The following MGST1 variants were observed in gnomAD, a reference collection of about 807,000 sequenced individuals.
The protein encoded by MGST1 is glutathione S-transferase 12.
A neutral mutation model predicts 8.9 loss-of-function variants in MGST1; 5 were observed. The ratio of observed to expected loss-of-function variants is 0.56; its 90% CI spans 0.29 to 1.19. The LOEUF (loss-of-function observed/expected upper bound fraction) is 1.19. Among genes scored for constraint, MGST1 ranks in the 50% most tolerant of loss-of-function variants. MGST1 has a pLI of 0.08. For missense variants in MGST1, 182 were observed against 187.4 expected, an observed-to-expected ratio of 0.97 and a Z score of 0.17; for synonymous variants, 54 against 67.8, an observed-to-expected ratio of 0.80 and a Z score of 1.00.
Position 16,413,037 on chromosome 12 carries a change from A to C in MGST1, n.779-24351A>C, listed in dbSNP as rs931237017. Reference sequence around the variant, plus strand: ...CCAGAAAGAGAGTAGGGAACTCCTCAGTCCACCCCACCTGTCCTGGATGGT... The same window carrying C: ...CCAGAAAGAGAGTAGGGAACTCCTCCGTCCACCCCACCTGTCCTGGATGGT... On this transcript the variant is annotated intron_variant and non_coding_transcript_variant, in intron 1 of 1. Coordinates refer to the MGST1 transcript ENST00000359720. This position sits in a 1 kb window ranked among gnomAD's most constrained non-coding sequence, Gnocchi z 4.0. Among the ~76,000 whole-genome samples the C allele has an allele frequency of 6.6e-6, 1 of 152,190 alleles. No homozygotes were observed. The highest frequency in any genetic ancestry group is 2.4e-5 in the African/African-American group (1 of 41,456).
intron 4 of MGST1, among the ~76,000 whole-genome samples, chr12:16,570,799 C>T (rs1275808224): frequency 6.6e-6 from 1 of 152,126 alleles, no homozygotes; most frequent in Non-Finnish European, 1.5e-5. Context: ...AAAAAGTTAT[C>T]AAATCACTTA....
chr12:16,477,953 A>G (rs935916099), intron 4 of MGST1, among the ~76,000 whole-genome samples: 1 of 152,218 alleles, frequency 6.6e-6, no homozygotes, highest in African/African-American at 2.4e-5. Context: ...TCAAAATTGC[A>G]TATTAAACAT....
downstream of MGST1, among the ~76,000 whole-genome samples, chr12:16,380,772 G>C (rs1275518055): frequency 6.6e-6 from 1 of 152,132 alleles, no homozygotes; most frequent in Non-Finnish European, 1.5e-5. Context: ...TATTGTGTGG[G>C]AGTCTAAGTC....
At position 16,413,037 on chromosome 12, in the gene MGST1, A is replaced by G. The variant is rs931237017; in HGVS notation, n.779-24351A>G. Among the ~76,000 whole-genome samples, 1 of 152,190 alleles carries G rather than the reference A, an allele frequency of 6.6e-6. No individual in the cohort carries two copies. Among genetic ancestry groups the G allele is most frequent in the Non-Finnish European group, 1.5e-5 (1 of 68,040 alleles). Reference sequence around the variant, plus strand: ...CCAGAAAGAGAGTAGGGAACTCCTCAGTCCACCCCACCTGTCCTGGATGGT... The same window carrying G: ...CCAGAAAGAGAGTAGGGAACTCCTCGGTCCACCCCACCTGTCCTGGATGGT... On this transcript the variant is annotated intron_variant and non_coding_transcript_variant, in intron 1 of 1. Coordinates refer to the MGST1 transcript ENST00000359720. This position sits in a 1 kb window ranked among gnomAD's most constrained non-coding sequence, Gnocchi z 4.0.
At chr12:16,432,038 A>G (rs1272226676) in intron 1 of MGST1, among the ~76,000 whole-genome samples, 3 of 152,152 alleles carry the variant, frequency 2.0e-5, no homozygotes, top group Non-Finnish European at 2.9e-5. Context: ...GTCCTTTTCA[A>G]TACTACTACT....
chr12:16,538,508 A>G (rs1251209045), intron 4 of MGST1, among the ~76,000 whole-genome samples: 1 of 152,158 alleles, frequency 6.6e-6, no homozygotes, highest in African/African-American at 2.4e-5. Flanking sequence ...CTGCTGATAA[A>G]CACATACCTG....
At chr12:16,571,041 A>C (rs1273718843) in intron 4 of MGST1, among the ~76,000 whole-genome samples, 1 of 152,132 alleles carries the variant, frequency 6.6e-6, no homozygotes, top group Non-Finnish European at 1.5e-5. Flanking sequence ...AATAATAATA[A>C]ATTTTAAAAA....
Position 16,494,798 on chromosome 12 carries a change from C to T in MGST1, n.483-94730C>T, listed in dbSNP as rs565510965. On this transcript the variant is annotated intron_variant and non_coding_transcript_variant, in intron 4 of 4. Coordinates refer to the MGST1 transcript ENST00000538857. ...AAACTATTTCTGAAATTAGGGTAAA[C>T]GTGAAAATCATCATCAAAACAGAAA... Among the ~76,000 whole-genome samples the T allele has an allele frequency of 1.1e-4, 16 of 152,194 alleles. No individual in the cohort carries two copies. The East Asian group carries it at 1.3e-3, about 13-fold the overall frequency.
intron 4 of MGST1, among the ~76,000 whole-genome samples, chr12:16,473,910 A>C (rs1052846285): frequency 6.6e-6 from 1 of 152,182 alleles, no homozygotes; most frequent in African/African-American, 2.4e-5. Context: ...AAATTTAAAA[A>C]AGTCTAATCA....
At chr12:16,524,489 C>T (rs1267752728) in intron 4 of MGST1, among the ~76,000 whole-genome samples, 1 of 152,026 alleles carries the variant, frequency 6.6e-6, no homozygotes, top group Admixed American at 6.6e-5. Context: ...GCAACCATAT[C>T]CACCAATTAT....
intron 1 of MGST1, among the ~76,000 whole-genome samples, chr12:16,406,631 G>T (rs1345250573): frequency 6.6e-6 from 1 of 152,104 alleles, no homozygotes; most frequent in Non-Finnish European, 1.5e-5. Context: ...AAAAGCTGGA[G>T]GCATCATACT....
At chr12:16,405,800 AAAGAC>A (rs1940694155) in intron 1 of MGST1, among the ~76,000 whole-genome samples, 2 of 152,208 alleles carry the variant, frequency 1.3e-5, no homozygotes, top group South Asian at 4.1e-4. Flanking sequence ...AAACAAAACT[AAAGAC>A]AAAAACAGTA....
At chr12:16,391,580 T>G (rs2137052663) in intron 1 of MGST1, among the ~76,000 whole-genome samples, 1 of 152,316 alleles carries the variant, frequency 6.6e-6, no homozygotes, top group African/African-American at 2.4e-5. Flanking sequence ...CTTTGCCCAC[T>G]TCTTAATGGG....
At chr12:16,357,961 G>A (rs1010337368) in intron 3 of MGST1, among the ~76,000 whole-genome samples, 1 of 152,180 alleles carries the variant, frequency 6.6e-6, no homozygotes, top group Non-Finnish European at 1.5e-5. Flanking sequence ...AAAAGTAATG[G>A]CAGGGAGGAG....
chr12:16,386,887 C>T (rs894423954), intron 1 of MGST1, among the ~76,000 whole-genome samples: 4 of 152,174 alleles, frequency 2.6e-5, no homozygotes, highest in Admixed American at 2.0e-4. Context: ...TTTTATCAAG[C>T]GTCTCTGCAC....
chr12:16,483,589 A>C (rs931884911), intron 4 of MGST1, among the ~76,000 whole-genome samples: 1 of 152,174 alleles, frequency 6.6e-6, no homozygotes, highest in Non-Finnish European at 1.5e-5. Context: ...AAAATATATT[A>C]TTAGAGACTC....
intron 4 of MGST1, chr12:16,550,918 TAC>T (rs1941963455): frequency 4.1e-6 from 1 of 246,856 alleles, no homozygotes; most frequent in Non-Finnish European, 7.9e-6. Context: ...CTTCAAATAT[TAC>T]AATACATTAT....
At chr12:16,421,630 C>T (rs558164604) in intron 1 of MGST1, among the ~76,000 whole-genome samples, 1 of 152,186 alleles carries the variant, frequency 6.6e-6, no homozygotes, top group African/African-American at 2.4e-5. Flanking sequence ...TTCCATCACT[C>T]TATCAAACCT....
At chr12:16,388,517 G>A (rs1940524269) in intron 1 of MGST1, among the ~76,000 whole-genome samples, 1 of 152,162 alleles carries the variant, frequency 6.6e-6, no homozygotes. Context: ...TGATACTATT[G>A]ACAGTTTCAG....
Sources: allele counts gnomAD v4.1 joint callset (sites outside exome capture counted in the v4.1 genomes callset), GRCh38; gene constraint gnomAD v4.1.1; non-coding constraint Gnocchi (gnomAD v3.1); transcripts MANE v1.5; gene names NCBI Gene and HGNC (gene_info 2026-07-23, HGNC 2026-07-21).